MACROD2: variants seen among roughly 807,000 people sequenced by gnomAD.
MACROD2 encodes the protein mono-ADP ribosylhydrolase 2, also known as ADP-ribose glycohydrolase MACROD2.
Under a neutral mutation model 70.4 loss-of-function variants are expected in MACROD2, and 36 were observed. That is an observed-to-expected ratio of 0.51 (90% CI 0.39 to 0.68). MACROD2 has a LOEUF of 0.68. Ranked by LOEUF, MACROD2 falls within the 30% of genes least tolerant of loss-of-function variation. The pLI is 0.00. For missense variants in MACROD2, 496 were observed against 538.4 expected (o/e 0.92, Z 0.78); for synonymous variants, 172 against 178.8 (o/e 0.96, Z 0.30).
chr20:14,161,604 T>C (rs2055190580), intron 3 of MACROD2, among the ~76,000 whole-genome samples: 1 of 149,924 alleles, frequency 6.7e-6, no homozygotes. Flanking sequence ...TGAGACGATG[T>C]CTCACTCTGT....
rs145740946 is a variant in MACROD2 at position 15,406,802 on chromosome 20, C to G, written c.541-24603C>G. Among the ~76,000 whole-genome samples the G allele has an allele frequency of 3.9e-5, 6 of 152,254 alleles. No homozygotes were observed. In the East Asian group the frequency reaches 9.7e-4, roughly 25 times the overall value. ...GCTGAGCACAGGGAGGTGTCATTAGCTCAAGGCACAGATCAAACTCATTAA... is the reference window on the plus strand; with the variant it reads ...GCTGAGCACAGGGAGGTGTCATTAGGTCAAGGCACAGATCAAACTCATTAA... On this transcript the variant is annotated intron_variant, in intron 6 of 17. Transcript: ENST00000684519.
chr20:15,163,630 T>G (rs2145877726), intron 5 of MACROD2, among the ~76,000 whole-genome samples: 1 of 152,218 alleles, frequency 6.6e-6, no homozygotes, highest in Non-Finnish European at 1.5e-5. Context: ...GATCAGCAAA[T>G]TATGGCTGAC....
intron 5 of MACROD2, among the ~76,000 whole-genome samples, chr20:14,694,905 C>T (rs866602468): frequency 5.3e-5 from 8 of 152,122 alleles, no homozygotes; most frequent in Non-Finnish European, 1.2e-4. Context: ...TTTGATATTT[C>T]TCTTCTGGAG....
Position 15,892,393 on chromosome 20 carries a change from A to C in MACROD2, c.775+6582A>C, listed in dbSNP as rs373757824. ...CCCCCAAGGATAGACTTAGAGGGAC[A>C]TTGAGGAAAATAGGAAGCACAGTAA... On this transcript the variant is annotated intron_variant, in intron 10 of 17. Transcript: ENST00000684519. Among the ~76,000 whole-genome samples, 9 of 152,338 alleles carry C rather than the reference A, an allele frequency of 5.9e-5. No homozygotes were observed. In the East Asian group the frequency reaches 1.7e-3, roughly 29 times the overall value.
intron 10 of MACROD2, among the ~76,000 whole-genome samples, chr20:15,927,968 A>G (rs1471760732): frequency 1.3e-5 from 2 of 152,224 alleles, no homozygotes; most frequent in African/African-American, 4.8e-5. Context: ...GTCCCAGACT[A>G]CTGTGAACTA....
intron 3 of MACROD2, among the ~76,000 whole-genome samples, chr20:14,273,370 T>C (rs2082216481): frequency 6.6e-6 from 1 of 151,000 alleles, no homozygotes; most frequent in South Asian, 2.1e-4. Flanking sequence ...ACATGGAAAC[T>C]GAACAACCTG....
chr20:15,371,302 C>T (rs568735186), intron 6 of MACROD2, among the ~76,000 whole-genome samples: 1 of 152,138 alleles, frequency 6.6e-6, no homozygotes, highest in East Asian at 1.9e-4. Flanking sequence ...ATCTTATAGC[C>T]CTAGTATCAT....
At chr20:15,214,645 G>T (rs1436001715) in intron 5 of MACROD2, among the ~76,000 whole-genome samples, 2 of 152,144 alleles carry the variant, frequency 1.3e-5, no homozygotes, top group African/African-American at 4.8e-5. Context: ...CAATAAAATT[G>T]TCTATGACAA....
intron 8 of MACROD2, among the ~76,000 whole-genome samples, chr20:15,510,887 C>T (rs1429279960): frequency 2.0e-5 from 3 of 152,240 alleles, no homozygotes; most frequent in Non-Finnish European, 4.4e-5. Context: ...AAGTCCATGA[C>T]AGAAAGCCCC....
intron 5 of MACROD2, among the ~76,000 whole-genome samples, chr20:14,765,587 C>T (rs1372156530): frequency 3.3e-5 from 5 of 152,090 alleles, no homozygotes; most frequent in Non-Finnish European, 7.3e-5. Flanking sequence ...CCATTCACCT[C>T]TTTTCTCTTC....
intron 7 of MACROD2, among the ~76,000 whole-genome samples, chr20:15,491,538 A>G (rs1164539495): frequency 6.6e-6 from 1 of 152,242 alleles, no homozygotes; most frequent in Non-Finnish European, 1.5e-5. Flanking sequence ...ATGCATTATC[A>G]TGGGATTTGC....
At chr20:15,802,520 C>A (rs2063735093) in intron 8 of MACROD2, among the ~76,000 whole-genome samples, 1 of 152,118 alleles carries the variant, frequency 6.6e-6, no homozygotes, top group East Asian at 1.9e-4. Flanking sequence ...ACTGTCCTTG[C>A]ATCCCTGGGA....
intron 16 of MACROD2, among the ~76,000 whole-genome samples, 175 bp downstream of exon 16, chr20:16,041,453 A>T (rs775131): frequency 0.35 from 52,978 of 149,970 alleles, 11,371 homozygotes; most frequent in South Asian, 0.54. Context: ...CCTCTTATTT[A>T]AAAAAAAAAC....
At chr20:15,968,133 A>G (rs190140717) in intron 13 of MACROD2, among the ~76,000 whole-genome samples, 109 of 152,340 alleles carry the variant, frequency 7.2e-4, no homozygotes, top group African/African-American at 2.0e-3. Context: ...AGGCAAAGGA[A>G]AAACTCAGAA....
chr20:14,761,641 T>C (rs1219770836), intron 5 of MACROD2, among the ~76,000 whole-genome samples: 1 of 152,160 alleles, frequency 6.6e-6, no homozygotes, highest in Non-Finnish European at 1.5e-5. Context: ...ACTGGTTCTG[T>C]GTTCCAGCTC....
At position 14,119,999 on chromosome 20, in the gene MACROD2, G is replaced by A. The variant is rs774941402; in HGVS notation, c.271+34271G>A. 4.6e-5 allele frequency among the ~76,000 whole-genome samples: 7 copies of A among 151,706 alleles called. 1 individual carries two copies. The highest frequency in any genetic ancestry group is 7.4e-5 in the Non-Finnish European group (5 of 67,898). On this transcript the variant is annotated intron_variant, in intron 3 of 17. Transcript: ENST00000684519. The stretch of plus-strand genomic sequence containing the variant: ...CGAGGTGGGTGGATCACTTGAAGTC[G>A]GGAGTTTAAGACCAGCCTGGGCAAC...
rs2067474012 is a variant in MACROD2, at chr20:16,052,691, T to C, written c.*2815T>C. ...TAATCACTGCAGCTAATTGTAAATC[T>C]TTCTATGAAACACTGAAAAGCCTCT... On this transcript the variant is annotated 3_prime_UTR_variant, in exon 18 of 18. Transcript: ENST00000684519. 1 of 152,674 alleles carries C rather than the reference T, an allele frequency of 6.5e-6. No homozygotes were observed. 9.5% of individuals were successfully genotyped at this position (152,674 alleles called of 1,614,324 possible). A position where few individuals can be genotyped will look rare whatever the true frequency, so the allele number is the denominator to read the frequency against.
rs141295430 is a variant in MACROD2 at position 14,778,281 on chromosome 20, ATC to A, written c.418+93326_418+93327del. Among the ~76,000 whole-genome samples the A allele has an allele frequency of 9.3e-4, 141 of 152,186 alleles. 1 individual carries two copies. Among genetic ancestry groups the A allele is most frequent in the African/African-American group, 3.3e-3 (137 of 41,494 alleles). The stretch of plus-strand genomic sequence containing the variant: ...GATGGACGACACAAACGCTCTTTAC[ATC>A]TCTGTCATTGCGCCCTGTCCGGTAG... On this transcript the variant is annotated intron_variant, in intron 5 of 17. Transcript: ENST00000684519.
At chr20:15,019,306 A>G (rs1304829876) in intron 5 of MACROD2, among the ~76,000 whole-genome samples, 1 of 152,232 alleles carries the variant, frequency 6.6e-6, no homozygotes, top group Admixed American at 6.5e-5. Flanking sequence ...AGTCATTGAA[A>G]TAACCCTTTT....
Sources: gnomAD v4.1 joint callset for allele counts (sites outside exome capture counted in the v4.1 genomes callset) on GRCh38, gnomAD v4.1.1 for gene constraint, MANE v1.5 for transcripts, NCBI Gene and HGNC (gene_info 2026-07-23, HGNC 2026-07-21) for gene names.